Variants in RNF43 observed in about 807,000 individuals in gnomAD.
RNF43 encodes E3 ubiquitin-protein ligase RNF43.
Under a neutral mutation model 78.4 loss-of-function variants are expected in RNF43, and 37 were observed. The ratio of observed to expected loss-of-function variants is 0.47; its 90% CI spans 0.36 to 0.62. RNF43 has a LOEUF of 0.62. RNF43 is among the 20% of genes least tolerant of loss of function. The pLI is 0.00. For synonymous variants in RNF43, 347 were observed against 395.0 expected (o/e 0.88, Z 1.44); for missense variants, 774 against 1,007.9 (o/e 0.77, Z 3.14).
rs149394482 is a variant in RNF43 at position 58,354,678 on chromosome 17, C to G, written c.*265G>C. 7 of 528,986 alleles carry G rather than the reference C, an allele frequency of 1.3e-5. No individual in the cohort carries two copies. The African/African-American group carries it at 1.3e-4, about 10-fold the overall frequency. The allele number at this position is 528,986 out of a possible 1,614,324, so 32.8% of individuals were successfully genotyped here. A position where few individuals can be genotyped will look rare whatever the true frequency, so the allele number is the denominator to read the frequency against. ...GCCTTCAAGGGATCCAGCCCACACA[C>G]GCCACAGGCAGCAGCTGGTTGCCTG... On this transcript the variant is annotated 3_prime_UTR_variant, in exon 10 of 10. Transcript: ENST00000407977.
intron 3 of RNF43, among the ~76,000 whole-genome samples, chr17:58,366,022 G>A (rs1311654109): frequency 2.0e-5 from 3 of 152,174 alleles, no homozygotes; most frequent in Non-Finnish European, 4.4e-5. Flanking sequence ...AAGAGTCCCT[G>A]TATATCTTCT....
intron 2 of RNF43, among the ~76,000 whole-genome samples, chr17:58,404,011 A>G (rs1973856307): frequency 6.6e-6 from 1 of 152,216 alleles, no homozygotes; most frequent in African/African-American, 2.4e-5. Context: ...AGCATTTACA[A>G]TAAGGGTCCT....
chr17:58,373,252 C>T (rs904449878), intron 2 of RNF43, among the ~76,000 whole-genome samples: 9 of 152,272 alleles, frequency 5.9e-5, no homozygotes, highest in African/African-American at 1.9e-4. Context: ...GAAGTTCCTA[C>T]AGTGTGTCTG....
chr17:58,367,945 C>T (rs1972991516), intron 3 of RNF43, among the ~76,000 whole-genome samples: 1 of 152,164 alleles, frequency 6.6e-6, no homozygotes, highest in Admixed American at 6.5e-5. Flanking sequence ...TGTACTGTCT[C>T]ATTAAATCCT....
chr17:58,407,635 C>T (rs1223419748), intron 2 of RNF43, among the ~76,000 whole-genome samples: 1 of 152,022 alleles, frequency 6.6e-6, no homozygotes, highest in African/African-American at 2.4e-5. Flanking sequence ...TTATTCAAAA[C>T]AAGCAAGCAA....
At position 58,415,862 on chromosome 17, in the gene RNF43, T is replaced by A. The variant is rs1454194857; in HGVS notation, c.-285A>T. The A allele has an allele frequency of 2.1e-6, 1 of 468,024 alleles. No homozygotes were observed. The highest frequency in any genetic ancestry group is 3.9e-6 in the Non-Finnish European group (1 of 259,296). 29.0% of individuals were successfully genotyped at this position (468,024 alleles called of 1,614,324 possible). A position where few individuals can be genotyped will look rare whatever the true frequency, so the allele number is the denominator to read the frequency against. On this transcript the variant is annotated 5_prime_UTR_variant, in exon 2 of 10. Coordinates refer to ENST00000407977, the MANE Select transcript of RNF43 (RefSeq NM_017763.6). ...TAGTAAAGATCTCACCACTTCTCTT[T>A]GGAATTTCCAACTTTGCTTGTGATT... is the stretch of plus-strand genomic sequence containing the variant.
At chr17:58,383,481 T>C (rs1435196406) in intron 2 of RNF43, among the ~76,000 whole-genome samples, 1 of 152,048 alleles carries the variant, frequency 6.6e-6, no homozygotes, top group Non-Finnish European at 1.5e-5. Flanking sequence ...ATTTCTATTT[T>C]TGGTAAAGAC....
At chr17:58,413,194 A>C (rs972729548) in intron 2 of RNF43, among the ~76,000 whole-genome samples, 14 of 152,298 alleles carry the variant, frequency 9.2e-5, no homozygotes, top group African/African-American at 3.1e-4. Context: ...AGAAGTGTAA[A>C]CCATGTGTCC....
chr17:58,377,864 T>C (rs1471193863), intron 2 of RNF43, among the ~76,000 whole-genome samples: 1 of 152,016 alleles, frequency 6.6e-6, no homozygotes, highest in Non-Finnish European at 1.5e-5. Context: ...TCTTTTCAGA[T>C]TTTACAATCA....
intron 2 of RNF43, among the ~76,000 whole-genome samples, chr17:58,391,704 A>T (rs1322251597): frequency 1.3e-5 from 2 of 152,224 alleles, no homozygotes; most frequent in Non-Finnish European, 1.5e-5. Context: ...GTCAGATATT[A>T]TCAAAGAGCC....
intron 2 of RNF43, among the ~76,000 whole-genome samples, chr17:58,400,939 G>A (rs1418542466): frequency 6.6e-6 from 1 of 152,048 alleles, no homozygotes; most frequent in Non-Finnish European, 1.5e-5. Flanking sequence ...TAGGATGTCA[G>A]ACTGCCTACA....
chr17:58,367,877 T>C (rs1972990269), intron 3 of RNF43, among the ~76,000 whole-genome samples: 1 of 152,192 alleles, frequency 6.6e-6, no homozygotes, highest in African/African-American at 2.4e-5. Flanking sequence ...GTAATGATAA[T>C]TGCAATCATT....
intron 2 of RNF43, among the ~76,000 whole-genome samples, chr17:58,374,917 T>G (rs1355197741): frequency 1.3e-5 from 2 of 152,180 alleles, no homozygotes; most frequent in African/African-American, 2.4e-5. Context: ...GCTCCTCCAG[T>G]GTTTGCTGTC....
At chr17:58,371,114 T>G (rs1265103982) in intron 2 of RNF43, 81 bp from the exon 3 acceptor site, 5 of 1,354,796 alleles carry the variant, frequency 3.7e-6, no homozygotes, top group Non-Finnish European at 3.0e-6. Flanking sequence ...TCTCCATTTT[T>G]CTAGGGAGGT....
rs1370117543 is a variant in RNF43, at chr17:58,399,643, AT to A, written c.252+15682del. On this transcript the variant is annotated intron_variant, in intron 2 of 9. Coordinates refer to ENST00000407977, the MANE Select transcript of RNF43 (RefSeq NM_017763.6). The stretch of plus-strand genomic sequence containing the variant: ...GAGCAACTGTCCCAGAGTAGCAGCA[AT>A]TTTTTTTTTTTTTTTGAGACAAAGT... 5.9e-3 allele frequency among the ~76,000 whole-genome samples: 843 copies of A among 142,352 alleles called. 1 individual carries two copies. The highest frequency in any genetic ancestry group is 6.1e-3 in the Admixed American group (86 of 14,188). The allele number at this position is 142,352 out of a possible 152,430, so 93.4% of individuals were successfully genotyped here.
intron 3 of RNF43, among the ~76,000 whole-genome samples, chr17:58,364,948 A>G (rs981250957): frequency 3.3e-5 from 5 of 152,040 alleles, no homozygotes; most frequent in Non-Finnish European, 7.4e-5. Flanking sequence ...GCCACTCAGA[A>G]CCCACTGCCT....
rs2158460 is a variant in RNF43 at position 58,355,001 on chromosome 17, C to T, written c.2309-15G>A. 2.2e-5 allele frequency: 35 copies of T among 1,612,380 alleles called. No homozygotes were observed. Among genetic ancestry groups the T allele is most frequent in the Admixed American group, 8.3e-5 (5 of 59,944 alleles). Reference sequence around the variant, plus strand: ...CTCCTCTGAGCCTGTATTTAGAGAGCGGGGAGGAAAGAGGTCATTGAGGGT... The same window carrying T: ...CTCCTCTGAGCCTGTATTTAGAGAGTGGGGAGGAAAGAGGTCATTGAGGGT... On this transcript the variant is annotated splice_polypyrimidine_tract_variant and intron_variant, in intron 9 of 9. Coordinates refer to ENST00000407977, the MANE Select transcript of RNF43 (RefSeq NM_017763.6).
chr17:58,413,176 T>C lies in RNF43; in HGVS notation c.252+2150A>G, dbSNP rs1487341607. ...GTAATCTGATAAGGAACAAACAGCATGGATTCCAGAAGTGTAAACCATGTG... is the reference window on the plus strand; with the variant it reads ...GTAATCTGATAAGGAACAAACAGCACGGATTCCAGAAGTGTAAACCATGTG... On this transcript the variant is annotated intron_variant, in intron 2 of 9. Coordinates refer to ENST00000407977, the MANE Select transcript of RNF43 (RefSeq NM_017763.6). Among the ~76,000 whole-genome samples, 2 of 152,194 alleles carry C rather than the reference T, an allele frequency of 1.3e-5. 1 individual carries two copies. Among genetic ancestry groups the C allele is most frequent in the South Asian group, 4.1e-4 (2 of 4,836 alleles).
At chr17:58,405,632 T>C (rs1195775056) in intron 2 of RNF43, among the ~76,000 whole-genome samples, 1 of 150,382 alleles carries the variant, frequency 6.6e-6, no homozygotes, top group Non-Finnish European at 1.5e-5. Context: ...TAAGCTCTGA[T>C]GGTGCCACTG....
Sources: gnomAD v4.1 joint callset for allele counts (sites outside exome capture counted in the v4.1 genomes callset) on GRCh38, gnomAD v4.1.1 for gene constraint, MANE v1.5 for transcripts, NCBI Gene and HGNC (gene_info 2026-07-23, HGNC 2026-07-21) for gene names.